The following AGMO variants were observed in gnomAD, a reference collection of about 807,000 sequenced individuals.
AGMO encodes glyceryl-ether monooxygenase.
AGMO carries 75 observed loss-of-function variants against 60.2 expected under a neutral mutation model. The ratio of observed to expected loss-of-function variants is 1.25; its 90% CI spans 1.03 to 1.51. The LOEUF is 1.51. AGMO is among the 40% of genes most tolerant of loss of function. The pLI is 0.00. For missense variants in AGMO, 763 were observed against 525.5 expected, an observed-to-expected ratio of 1.45 and a Z score of -4.42; for synonymous variants, 261 against 177.1, an observed-to-expected ratio of 1.47 and a Z score of -3.76.
In AGMO at chr7:15,306,583, A is replaced by AG. The variant is rs397686777; in HGVS notation, c.1263+58930dup. Reference sequence around the variant, plus strand: ...GAATATGACTGTGTAAAAAAAAAAAAGCATTACAAAATATGGCAATTTGTG... The same window carrying AG: ...GAATATGACTGTGTAAAAAAAAAAAAGGCATTACAAAATATGGCAATTTGTG... On this transcript the variant is annotated intron_variant, in intron 12 of 12. Coordinates refer to ENST00000342526, the MANE Select transcript of AGMO (RefSeq NM_001004320.2). 9.2e-6 allele frequency: 4 copies of AG among 436,690 alleles called. 1 individual carries two copies. Among genetic ancestry groups the AG allele is most frequent in the Non-Finnish European group, 4.6e-6 (1 of 216,658 alleles). The allele number at this position is 436,690 out of a possible 1,614,324, so 27.1% of individuals were successfully genotyped here.
intron 12 of AGMO, among the ~76,000 whole-genome samples, chr7:15,249,912 A>G (rs1337228306): frequency 6.6e-6 from 1 of 152,194 alleles, no homozygotes; most frequent in Non-Finnish European, 1.5e-5. Flanking sequence ...CATTTCTCTT[A>G]GGAAAAATGT....
chr7:15,307,867 C>T (rs1315055174), intron 12 of AGMO, among the ~76,000 whole-genome samples: 1 of 152,060 alleles, frequency 6.6e-6, no homozygotes, highest in Non-Finnish European at 1.5e-5. Context: ...AGACCCATAC[C>T]TCCTTCATAT....
chr7:15,389,040 T>C (rs1005194224), intron 8 of AGMO, among the ~76,000 whole-genome samples: 1 of 152,178 alleles, frequency 6.6e-6, no homozygotes, highest in African/African-American at 2.4e-5. Flanking sequence ...GCAGCTCTTA[T>C]TGTATTTAAT....
chr7:15,142,500 C>T, the AGMO span, among the ~76,000 whole-genome samples: 11 of 152,142 alleles, frequency 7.2e-5, no homozygotes, highest in Admixed American at 7.2e-4. Context: ...ATTATTCAGC[C>T]TCCATAATTT....
At chr7:15,481,811 T>G (rs1040465097) in intron 3 of AGMO, among the ~76,000 whole-genome samples, 4 of 116,912 alleles carry the variant, frequency 3.4e-5, no homozygotes, top group Admixed American at 8.8e-5. Context: ...TTTTTTTTTT[T>G]GCTAAATCAG....
At position 15,274,693 on chromosome 7, in the gene AGMO, G is replaced by A. The variant is rs1197101684; in HGVS notation, c.1264-73334C>T. Among the ~76,000 whole-genome samples, 6 of 146,784 alleles carry A rather than the reference G, an allele frequency of 4.1e-5. No individual in the cohort carries two copies. In the East Asian group the frequency reaches 1.2e-3, roughly 29 times the overall value. On this transcript the variant is annotated intron_variant, in intron 12 of 12. Transcript: ENST00000342526. ...TCAGTTGTGGATCCATCTGGTGATG[G>A]GCTTTTTTTTTTTTGGTAGATTTTT...
chr7:15,444,636 T>A (rs1781651608), intron 3 of AGMO, among the ~76,000 whole-genome samples: 1 of 152,194 alleles, frequency 6.6e-6, no homozygotes. Context: ...TCCAACTGGG[T>A]GCATTTCCTT....
intron 10 of AGMO, among the ~76,000 whole-genome samples, chr7:15,370,326 C>T (rs1783157224): frequency 1.3e-5 from 2 of 152,154 alleles, no homozygotes; most frequent in Admixed American, 6.5e-5. Context: ...AGGTTGCTTC[C>T]ATGTCTTTGC....
chr7:15,561,281 C>G (rs1396324698), intron 1 of AGMO, among the ~76,000 whole-genome samples: 1 of 152,134 alleles, frequency 6.6e-6, no homozygotes, highest in Admixed American at 6.5e-5. Context: ...TGGACCTGGT[C>G]AAGCTGCATA....
At chr7:15,317,842 C>CAT (rs5882494) in intron 12 of AGMO, among the ~76,000 whole-genome samples, 52,087 of 145,010 alleles carry the variant, frequency 0.36, 10,512 homozygotes, top group East Asian at 0.5. Flanking sequence ...ATATTTTTGT[C>CAT]ATATATATAT....
At chr7:15,275,492 T>C (rs1442244068) in intron 12 of AGMO, among the ~76,000 whole-genome samples, 2 of 152,108 alleles carry the variant, frequency 1.3e-5, no homozygotes. Flanking sequence ...GAATGTCCCA[T>C]GCACAGATGA....
chr7:15,222,825 A>G lies in AGMO; in HGVS notation c.1264-21466T>C, dbSNP rs574909111. ...TTGCAAATACCTAGAAATTTACCCC[A>G]TATACTTTAGTGTTCATTTCTTAAG... On this transcript the variant is annotated intron_variant, in intron 12 of 12. Transcript: ENST00000342526. Among the ~76,000 whole-genome samples, 3 of 152,104 alleles carry G rather than the reference A, an allele frequency of 2.0e-5. No homozygotes were observed. The South Asian group carries it at 6.2e-4, about 32-fold the overall frequency.
chr7:15,284,987 A>C (rs1032335661), intron 12 of AGMO, among the ~76,000 whole-genome samples: 9 of 152,138 alleles, frequency 5.9e-5, no homozygotes, highest in African/African-American at 1.2e-4. Flanking sequence ...CCATATGATC[A>C]TCTCAACAGA....
rs1781203295 is a variant in AGMO at position 15,430,603 on chromosome 7, TAAAAAAAAAAAACAACTGG to T, written c.513+383_513+401del. The stretch of plus-strand genomic sequence containing the variant: ...ATTTTAGAGAATTAGTTGTTTTTTT[TAAAAAAAAAAAACAACTGG>T]TTTTTTTTAAAAAAAAAAAAAAAAC... On this transcript the variant is annotated intron_variant, in intron 4 of 12. Transcript: ENST00000342526. Among the ~76,000 whole-genome samples the T allele has an allele frequency of 5.5e-5, 7 of 128,046 alleles. No homozygotes were observed. The Admixed American group carries it at 5.8e-4, about 11-fold the overall frequency. The allele number at this position is 128,046 out of a possible 152,430, so 84.0% of individuals were successfully genotyped here.
the AGMO span, among the ~76,000 whole-genome samples, chr7:15,166,097 C>G: frequency 6.6e-6 from 1 of 152,090 alleles, no homozygotes; most frequent in African/African-American, 2.4e-5. Flanking sequence ...TAGGAAGTGA[C>G]AGATGCTAAG....
At chr7:15,289,031 A>AT (rs1168975997) in intron 12 of AGMO, among the ~76,000 whole-genome samples, 3 of 151,386 alleles carry the variant, frequency 2.0e-5, no homozygotes, top group Non-Finnish European at 2.9e-5. Flanking sequence ...ATTTTGAAAC[A>AT]TTTTTTCTCC....
the AGMO span, among the ~76,000 whole-genome samples, chr7:15,178,587 T>C: frequency 3.3e-4 from 50 of 152,204 alleles, no homozygotes; most frequent in African/African-American, 1.2e-3. Flanking sequence ...CATGCCTCTT[T>C]CCATCTGAGA....
chr7:15,232,704 C>A (rs1583312655), intron 12 of AGMO, among the ~76,000 whole-genome samples: 1 of 151,784 alleles, frequency 6.6e-6, no homozygotes, highest in East Asian at 1.9e-4. Flanking sequence ...TTTTACCCAA[C>A]AAAATTGCCT....
chr7:15,288,930 C>T (rs1436102822), intron 12 of AGMO, among the ~76,000 whole-genome samples: 1 of 151,710 alleles, frequency 6.6e-6, no homozygotes, highest in African/African-American at 2.4e-5. Context: ...CCAGTTTCAT[C>T]CAACTCCTAA....
Sources: allele counts gnomAD v4.1 joint callset (sites outside exome capture counted in the v4.1 genomes callset), GRCh38; gene constraint gnomAD v4.1.1; transcripts MANE v1.5; gene names NCBI Gene and HGNC (gene_info 2026-07-23, HGNC 2026-07-21).